The following CEMIP2 variants were observed in gnomAD, a reference collection of about 807,000 sequenced individuals.
The protein encoded by CEMIP2 is cell surface hyaluronidase CEMIP2.
A neutral mutation model predicts 146.9 loss-of-function variants in CEMIP2; 79 were observed. The observed-to-expected ratio is 0.54, with a 90% CI of 0.45 to 0.65. CEMIP2 has a LOEUF of 0.65. Ranked by LOEUF, CEMIP2 falls within the 30% of genes least tolerant of loss-of-function variation. The probability of loss-of-function intolerance (pLI) is 0.00; values close to 1 mark genes in which losing one functional copy is unlikely to be tolerated. For missense variants in CEMIP2, 1,596 were observed against 1,696.2 expected (o/e 0.94, Z 1.04); for synonymous variants, 601 against 606.3 (o/e 0.99, Z 0.13).
intron 5 of CEMIP2, among the ~76,000 whole-genome samples, chr9:71,739,073 T>A (rs899864837): frequency 1.3e-5 from 2 of 152,194 alleles, no homozygotes; most frequent in Admixed American, 1.3e-4. Flanking sequence ...GAAAATTTTC[T>A]ACCTCTTCCA....
intron 1 of CEMIP2, 78 bp from the exon 2 acceptor site, chr9:71,750,463 T>C (rs2132020219): frequency 1.8e-6 from 2 of 1,121,050 alleles, no homozygotes; most frequent in South Asian, 1.8e-5. Flanking sequence ...ATTTATGAGA[T>C]GGAGTTTCAC....
intron 1 of CEMIP2, among the ~76,000 whole-genome samples, chr9:71,765,544 T>C (rs189626108): frequency 2.0e-5 from 3 of 152,324 alleles, no homozygotes; most frequent in East Asian, 3.9e-4. Context: ...ATCTTCACCA[T>C]TTTAAGATAG....
At chr9:71,730,619 T>C (rs1174558356) in intron 8 of CEMIP2, 86 bp downstream of exon 8, 26 of 1,381,106 alleles carry the variant, frequency 1.9e-5, no homozygotes, top group Non-Finnish European at 2.4e-5. Context: ...CTAAACAGTT[T>C]ACATATATAA....
intron 22 of CEMIP2, chr9:71,686,307 G>C (rs1822059422): frequency 6.2e-6 from 1 of 160,634 alleles, no homozygotes; most frequent in South Asian, 1.7e-4. Flanking sequence ...GCACATGTGA[G>C]GGATCTAGGT....
intron 17 of CEMIP2, among the ~76,000 whole-genome samples, chr9:71,708,806 C>T (rs1334528545): frequency 2.6e-5 from 4 of 152,204 alleles, no homozygotes; most frequent in Non-Finnish European, 5.9e-5. Flanking sequence ...TCCCCGGGAA[C>T]ATCTCACTTT....
chr9:71,718,204 T>A, intron 12 of CEMIP2, 125 bp from the exon 13 acceptor site: 1 of 884,022 alleles, frequency 1.1e-6, no homozygotes, highest in Non-Finnish European at 1.6e-6. Context: ...ATTCTTAAGA[T>A]ACAACTTACT....
chr9:71,691,354 G>A (rs530251144), intron 21 of CEMIP2, among the ~76,000 whole-genome samples: 1 of 150,094 alleles, frequency 6.7e-6, no homozygotes, highest in Admixed American at 6.6e-5. Flanking sequence ...GGAGGTGGAG[G>A]CTGCAGTGAG....
intron 18 of CEMIP2, among the ~76,000 whole-genome samples, chr9:71,703,925 A>C (rs1336953515): frequency 6.6e-6 from 1 of 152,228 alleles, no homozygotes; most frequent in Non-Finnish European, 1.5e-5. Flanking sequence ...ACTAAAAAAT[A>C]GCTTTGGTTT....
At position 71,745,208 on chromosome 9, in the gene CEMIP2, T is replaced by G; in HGVS notation, c.844A>C (p.Ser282Arg). The G allele has an allele frequency of 1.9e-6, 3 of 1,614,120 alleles. No homozygotes were observed. The highest frequency in any genetic ancestry group is 2.5e-6 in the Non-Finnish European group (3 of 1,180,028). Residue 282 changes from serine to arginine, a missense_variant, in exon 4 of 24, where the codon AGT (serine) becomes CGT (arginine). Transcript: ENST00000377044. ...IDQDTAKILE[S>R]ERFDTHEYRN... ...TATTCATGGGTATCAAATCTCTCACTTTCCAAAATTTTGGCCGTGTCTTGG... is the reference window on the plus strand; with the variant it reads ...TATTCATGGGTATCAAATCTCTCACGTTCCAAAATTTTGGCCGTGTCTTGG...
At chr9:71,688,162 G>T (rs566876486) in intron 22 of CEMIP2, among the ~76,000 whole-genome samples, 3 of 152,138 alleles carry the variant, frequency 2.0e-5, no homozygotes, top group South Asian at 2.1e-4. Flanking sequence ...TGAACTCTTG[G>T]CCGGTATTAC....
In CEMIP2 at chr9:71,718,032, G is replaced by A; in HGVS notation, c.2315C>T (p.Ala772Val). Residue 772 changes from alanine to valine, a missense_variant, in exon 13 of 24, where the codon GCT becomes GTT. Physicochemically the swap from Ala to Val is moderately conservative, Grantham distance 64. Transcript: ENST00000377044. ...AAAAGCAATGAGCCTGTCAATTAGA[G>A]CAGCAACACGTGGTTTTTCGGGGTT... ...DANPEKPRVA[A>V]LIDRLIAFKN... 6 of 1,613,036 alleles carry A rather than the reference G, an allele frequency of 3.7e-6. No individual in the cohort carries two copies. Among genetic ancestry groups the A allele is most frequent in the Non-Finnish European group, 5.1e-6 (6 of 1,179,434 alleles).
Position 71,684,125 on chromosome 9 carries a change from T to A in CEMIP2, c.*1072A>T, listed in dbSNP as rs1821985623. The A allele has an allele frequency of 6.6e-6, 1 of 152,236 alleles. No individual in the cohort carries two copies. Among genetic ancestry groups the A allele is most frequent in the South Asian group, 2.1e-4 (1 of 4,830 alleles). The allele number at this position is 152,236 out of a possible 1,614,324, so 9.4% of individuals were successfully genotyped here. ...CATTCCTGCAAGGCTTTAAAGAGGT[T>A]CATTTCTGAGTATTCTCTCCACGAT... is the stretch of plus-strand genomic sequence containing the variant. On this transcript the variant is annotated 3_prime_UTR_variant, in exon 24 of 24. Transcript: ENST00000377044.
At chr9:71,716,404 A>T (rs985946742) in intron 14 of CEMIP2, 113 bp downstream of exon 14, 5 of 932,172 alleles carry the variant, frequency 5.4e-6, no homozygotes, top group African/African-American at 1.7e-5. Context: ...GAGGTTGCTA[A>T]TTTTTTTTAT....
At chr9:71,689,948 C>T in intron 22 of CEMIP2, 144 bp downstream of exon 22, 1 of 985,568 alleles carries the variant, frequency 1.0e-6, no homozygotes, top group Non-Finnish European at 1.5e-6. Context: ...GGGCGTCAAT[C>T]TGAGGTAGGA....
intron 3 of CEMIP2, 102 bp from the exon 4 acceptor site, chr9:71,745,681 G>A (rs528511556): frequency 2.2e-5 from 26 of 1,189,540 alleles, no homozygotes; most frequent in South Asian, 4.9e-5. Flanking sequence ...CAATTAGGTC[G>A]GAAAAAAGAA....
At chr9:71,739,904 A>G (rs1823865213) in intron 5 of CEMIP2, among the ~76,000 whole-genome samples, 159 bp downstream of exon 5, 1 of 151,784 alleles carries the variant, frequency 6.6e-6, no homozygotes, top group Admixed American at 6.6e-5. Flanking sequence ...ATTTTGTTCT[A>G]AAAGATTAAG....
intron 17 of CEMIP2, among the ~76,000 whole-genome samples, chr9:71,708,813 C>A (rs1195708246): frequency 6.6e-6 from 1 of 152,214 alleles, no homozygotes; most frequent in Non-Finnish European, 1.5e-5. Context: ...GAACATCTCA[C>A]TTTTCATGTG....
chr9:71,720,113 T>G (rs1823190392), intron 12 of CEMIP2, among the ~76,000 whole-genome samples: 1 of 152,214 alleles, frequency 6.6e-6, no homozygotes, highest in Admixed American at 6.5e-5. Flanking sequence ...ACTTCTCAAC[T>G]GTCTCTTAAT....
At chr9:71,697,741 A>G (rs1171672047) in intron 20 of CEMIP2, 2 of 458,250 alleles carry the variant, frequency 4.4e-6, no homozygotes, top group Non-Finnish European at 7.7e-6. Flanking sequence ...CTAATTTTAA[A>G]CTGTGGAAAA....
Sources: gnomAD v4.1 joint callset for allele counts (sites outside exome capture counted in the v4.1 genomes callset) on GRCh38, gnomAD v4.1.1 for gene constraint, MANE v1.5 for transcripts, NCBI Gene and HGNC (gene_info 2026-07-23, HGNC 2026-07-21) for gene names.